Variants in PKP4 observed in about 807,000 individuals in gnomAD.
The protein encoded by PKP4 is plakophilin-4.
In PKP4, 90 loss-of-function variants were observed where a neutral mutation model predicts 145.1. That is an observed-to-expected ratio of 0.62 (90% CI 0.52 to 0.74). The LOEUF (loss-of-function observed/expected upper bound fraction) is 0.74, where lower values mean the gene tolerates loss of function less well. PKP4 is among the 30% of genes least tolerant of loss of function. PKP4 has a pLI of 0.00. For missense variants in PKP4, 1,340 were observed against 1,482.7 expected (o/e 0.90, Z 1.58); for synonymous variants, 563 against 577.2 (o/e 0.98, Z 0.35).
At chr2:158,578,841 G>A (rs2048087182) in intron 3 of PKP4, among the ~76,000 whole-genome samples, 1 of 152,154 alleles carries the variant, frequency 6.6e-6, no homozygotes, top group South Asian at 2.1e-4. Context: ...CAAGAGGAGG[G>A]AAAATCCCCA....
intron 3 of PKP4, among the ~76,000 whole-genome samples, chr2:158,592,594 A>T: frequency 6.6e-6 from 1 of 152,200 alleles, no homozygotes; most frequent in East Asian, 1.9e-4. Context: ...TATTAATGAA[A>T]TTTTTACTGT....
chr2:158,508,194 TAA>T (rs3048021), intron 1 of PKP4, among the ~76,000 whole-genome samples: 2 of 145,964 alleles, frequency 1.4e-5, no homozygotes, highest in African/African-American at 2.5e-5. Flanking sequence ...CCGTCTCTAT[TAA>T]AAAAAAAAAA....
intron 3 of PKP4, among the ~76,000 whole-genome samples, chr2:158,582,752 CA>C (rs748206815): frequency 6.6e-6 from 1 of 152,138 alleles, no homozygotes; most frequent in Non-Finnish European, 1.5e-5. Flanking sequence ...CTCTTTCTTC[CA>C]TTGTTAAATG....
chr2:158,568,756 C>T (rs2047194541), intron 2 of PKP4, among the ~76,000 whole-genome samples: 1 of 152,016 alleles, frequency 6.6e-6, no homozygotes, highest in Admixed American at 6.6e-5. Flanking sequence ...GGTGGATCAC[C>T]TGAGGTCTGG....
intron 3 of PKP4, among the ~76,000 whole-genome samples, chr2:158,588,542 ATTAGTTT>A (rs2048993626): frequency 6.6e-6 from 1 of 152,058 alleles, no homozygotes; most frequent in South Asian, 2.1e-4. Flanking sequence ...TGGTTCTATC[ATTAGTTT>A]TTTAAAGCTA....
intron 15 of PKP4, among the ~76,000 whole-genome samples, chr2:158,664,292 G>A (rs1034867931): frequency 6.6e-6 from 1 of 152,188 alleles, no homozygotes; most frequent in South Asian, 2.1e-4. Flanking sequence ...CTCTCAGACC[G>A]TTACAGACAT....
At chr2:158,514,055 A>G (rs1448410248) in intron 1 of PKP4, among the ~76,000 whole-genome samples, 6 of 152,216 alleles carry the variant, frequency 3.9e-5, no homozygotes, top group Admixed American at 3.3e-4. Flanking sequence ...TGTTCCTGCT[A>G]GACAGCTCTT....
At chr2:158,539,130 A>G (rs1166751814) in intron 2 of PKP4, among the ~76,000 whole-genome samples, 4 of 152,158 alleles carry the variant, frequency 2.6e-5, no homozygotes, top group Admixed American at 6.5e-5. Flanking sequence ...TAACCATTCT[A>G]TCTTCAGTAT....
At chr2:158,557,300 A>C (rs980814792) in intron 2 of PKP4, among the ~76,000 whole-genome samples, 5 of 152,182 alleles carry the variant, frequency 3.3e-5, no homozygotes, top group African/African-American at 1.2e-4. Context: ...AGTCTGTGTC[A>C]GATGTAGACT....
chr2:158,668,223 T>A (rs893699208), intron 16 of PKP4, among the ~76,000 whole-genome samples: 1 of 151,902 alleles, frequency 6.6e-6, no homozygotes, highest in Non-Finnish European at 1.5e-5. Context: ...TCCATCAGTC[T>A]GTTTTTTTGT....
intron 19 of PKP4, among the ~76,000 whole-genome samples, chr2:158,674,695 A>T (rs928349828): frequency 6.6e-6 from 1 of 152,200 alleles, no homozygotes; most frequent in Non-Finnish European, 1.5e-5. Flanking sequence ...ATTTTTTTAC[A>T]TGTAAGGGCA....
chr2:158,656,021 G>T (rs1196339247), intron 11 of PKP4, among the ~76,000 whole-genome samples: 1 of 152,180 alleles, frequency 6.6e-6, no homozygotes, highest in African/African-American at 2.4e-5. Context: ...CTCATGCTTA[G>T]CTCCCGGATC....
chr2:158,497,264 T>A (rs1206879342), intron 1 of PKP4, among the ~76,000 whole-genome samples: 1 of 152,234 alleles, frequency 6.6e-6, no homozygotes, highest in African/African-American at 2.4e-5. Context: ...TTTAAATGAC[T>A]AGAGTGATAT....
chr2:158,639,319 GGGGT>G (rs755609762), intron 9 of PKP4, among the ~76,000 whole-genome samples: 50 of 10,414 alleles, frequency 4.8e-3, no homozygotes, highest in Non-Finnish European at 0.011. Flanking sequence ...GAACGCATGA[GGGGT>G]GTGTGTGTGT....
At chr2:158,660,481 AGAAAAG>A (rs1027063916) in intron 12 of PKP4, 2 of 152,708 alleles carry the variant, frequency 1.3e-5, no homozygotes, top group African/African-American at 2.4e-5. Flanking sequence ...GAAGCTGTGG[AGAAAAG>A]GAAAGTGCTG....
At chr2:158,625,465 A>G (rs1388032535) in intron 7 of PKP4, 38 bp downstream of exon 7, 7 of 1,496,776 alleles carry the variant, frequency 4.7e-6, no homozygotes, top group Admixed American at 1.9e-5. Flanking sequence ...AAACCCAGTG[A>G]GGAAATCTTC....
At chr2:158,671,766 C>T (rs971007799) in intron 17 of PKP4, among the ~76,000 whole-genome samples, 5 of 152,180 alleles carry the variant, frequency 3.3e-5, no homozygotes, top group Admixed American at 6.5e-5. Context: ...CGAACAGAAA[C>T]GCGTGGAGCG....
chr2:158,523,150 G>A (rs538372040), intron 1 of PKP4, among the ~76,000 whole-genome samples: 121 of 152,188 alleles, frequency 8.0e-4, no homozygotes, highest in African/African-American at 2.8e-3. Context: ...AGGCCTGCCT[G>A]CCTCTGTAGG....
chr2:158,596,282 T>G (rs2049733611), intron 3 of PKP4, among the ~76,000 whole-genome samples: 1 of 152,200 alleles, frequency 6.6e-6, no homozygotes, highest in African/African-American at 2.4e-5. Context: ...TTGGAACTTA[T>G]GTCCTGAAGC....
Sources: gnomAD v4.1 joint callset for allele counts (sites outside exome capture counted in the v4.1 genomes callset) on GRCh38, gnomAD v4.1.1 for gene constraint, MANE v1.5 for transcripts, NCBI Gene and HGNC (gene_info 2026-07-23, HGNC 2026-07-21) for gene names.